The following PPP2R2C variants were observed in gnomAD, a reference collection of about 807,000 sequenced individuals.
PPP2R2C encodes the protein protein phosphatase 2, regulatory subunit B, gamma.
PPP2R2C carries 10 observed loss-of-function variants against 45.3 expected under a neutral mutation model. That is an observed-to-expected ratio of 0.22 (90% CI 0.14 to 0.37). PPP2R2C has a LOEUF of 0.37. PPP2R2C is among the 10% of genes least tolerant of loss of function. The probability of loss-of-function intolerance (pLI) is 1.00; values close to 1 mark genes in which losing one functional copy is unlikely to be tolerated. For synonymous variants in PPP2R2C, 257 were observed against 245.4 expected (o/e 1.05, Z -0.44); for missense variants, 308 against 619.7 (o/e 0.50, Z 5.34).
At chr4:6,341,077 C>T (rs957214476) in intron 6 of PPP2R2C, among the ~76,000 whole-genome samples, 5 of 152,240 alleles carry the variant, frequency 3.3e-5, no homozygotes, top group African/African-American at 1.2e-4. Context: ...GGCGGTGGCT[C>T]ACGCCTGTAA....
At position 6,445,869 on chromosome 4, in the gene PPP2R2C, C is replaced by T. The variant is rs148651049; in HGVS notation, c.70+26291G>A. Among the ~76,000 whole-genome samples, 1,313 of 152,336 alleles carry T rather than the reference C, an allele frequency of 8.6e-3. 13 individuals are homozygous for T. The highest frequency in any genetic ancestry group is 0.029 in the African/African-American group (1,226 of 41,578). ...GAGGGCTGGGGTCCTCAGCCCTCTGCCCACAGTGTCGCAGAACATAACACA... is the reference window on the plus strand; with the variant it reads ...GAGGGCTGGGGTCCTCAGCCCTCTGTCCACAGTGTCGCAGAACATAACACA... On this transcript the variant is annotated intron_variant, in intron 1 of 8. Transcript: ENST00000382599.
At chr4:6,550,359 A>AC (rs1320993547) in intron 1 of PPP2R2C, among the ~76,000 whole-genome samples, 1 of 150,582 alleles carries the variant, frequency 6.6e-6, no homozygotes, top group Non-Finnish European at 1.5e-5. Flanking sequence ...TTGCCAAGAC[A>AC]CCCCCACTAC....
Position 6,448,616 on chromosome 4 carries a change from G to A in PPP2R2C, c.70+23544C>T, listed in dbSNP as rs538409222. Reference sequence around the variant, plus strand: ...TCAGGGCTGTTTCCTCACTCCCACTGCTGCCACACCCTGGAGTCCCCAGGG... The same window carrying A: ...TCAGGGCTGTTTCCTCACTCCCACTACTGCCACACCCTGGAGTCCCCAGGG... On this transcript the variant is annotated intron_variant, in intron 1 of 8. Transcript: ENST00000382599. Among the ~76,000 whole-genome samples the A allele has an allele frequency of 5.3e-5, 8 of 151,922 alleles. 1 individual carries two copies. In the South Asian group the frequency reaches 1.0e-3, roughly 20 times the overall value.
Position 6,538,270 on chromosome 4 carries a change from A to C in PPP2R2C, c.-58-2893T>G, listed in dbSNP as rs1354509816. Among the ~76,000 whole-genome samples, 2 of 152,090 alleles carry C rather than the reference A, an allele frequency of 1.3e-5. 1 individual carries two copies. Among genetic ancestry groups the C allele is most frequent in the Admixed American group, 1.3e-4 (2 of 15,272 alleles). ...GCTGGGGCGTCAGATTTGGGAATCA[A>C]ACCCAGATTCCCCTCTTCCTGGCTC... On this transcript the variant is annotated intron_variant, in intron 1 of 9. Transcript: ENST00000506140.
intron 1 of PPP2R2C, among the ~76,000 whole-genome samples, chr4:6,410,218 G>A (rs897719936): frequency 1.3e-5 from 2 of 152,194 alleles, no homozygotes; most frequent in Non-Finnish European, 2.9e-5. Flanking sequence ...TACCAGGCTC[G>A]AGTCTGCTGG....
At chr4:6,510,971 C>T (rs537425304) in intron 2 of PPP2R2C, among the ~76,000 whole-genome samples, 5 of 120,044 alleles carry the variant, frequency 4.2e-5, no homozygotes, top group African/African-American at 1.7e-4. Flanking sequence ...AGTGAGACTC[C>T]GTCTCAAACA....
In PPP2R2C at chr4:6,416,584, C is replaced by T. The variant is rs544348227; in HGVS notation, c.71-35490G>A. On this transcript the variant is annotated intron_variant, in intron 1 of 8. Transcript: ENST00000382599. Reference sequence around the variant, plus strand: ...CCCCGGGGTGAAGCAGAAGCCCTGGCTGCACCCAGCAGCCTGCAGGCTCCT... The same window carrying T: ...CCCCGGGGTGAAGCAGAAGCCCTGGTTGCACCCAGCAGCCTGCAGGCTCCT... Among the ~76,000 whole-genome samples the T allele has an allele frequency of 3.9e-5, 6 of 152,338 alleles. No homozygotes were observed. In the East Asian group the frequency reaches 1.2e-3, roughly 29 times the overall value.
intron 1 of PPP2R2C, among the ~76,000 whole-genome samples, chr4:6,422,817 T>C (rs747749931): frequency 6.6e-6 from 1 of 152,208 alleles, no homozygotes; most frequent in Non-Finnish European, 1.5e-5. Flanking sequence ...GACTTCAACA[T>C]GTGAGTTTTG....
At chr4:6,497,610 T>G (rs1304408429) in intron 2 of PPP2R2C, among the ~76,000 whole-genome samples, 2 of 152,230 alleles carry the variant, frequency 1.3e-5, no homozygotes, top group Non-Finnish European at 2.9e-5. Flanking sequence ...AACCCTGGGC[T>G]AGGATAAGAC....
intron 1 of PPP2R2C, among the ~76,000 whole-genome samples, chr4:6,541,931 C>A (rs1724813839): frequency 6.6e-6 from 1 of 152,238 alleles, no homozygotes; most frequent in South Asian, 2.1e-4. Flanking sequence ...TCCCTCGCTG[C>A]ATAGGTTCCG....
chr4:6,518,786 A>C (rs1258639243), intron 2 of PPP2R2C, among the ~76,000 whole-genome samples: 3 of 151,956 alleles, frequency 2.0e-5, no homozygotes, highest in Non-Finnish European at 2.9e-5. Context: ...ACCCAGGCAT[A>C]GTGGCACACG....
intron 1 of PPP2R2C, among the ~76,000 whole-genome samples, chr4:6,456,180 A>G (rs1189793315): frequency 1.3e-5 from 2 of 152,246 alleles, no homozygotes; most frequent in Non-Finnish European, 2.9e-5. Context: ...TGATCTGGGA[A>G]AATGTTGACA....
chr4:6,381,699 T>A, intron 1 of PPP2R2C: 1 of 1,547,922 alleles, frequency 6.5e-7, no homozygotes, highest in African/African-American at 1.4e-5. Flanking sequence ...CTGCCTGCCC[T>A]GACCCTCCCT....
intron 1 of PPP2R2C, among the ~76,000 whole-genome samples, chr4:6,397,956 C>T (rs1406922809): frequency 1.3e-5 from 2 of 152,180 alleles, no homozygotes; most frequent in African/African-American, 4.8e-5. Flanking sequence ...ACATGTGGAT[C>T]AATACAACTA....
At chr4:6,495,598 T>G (rs1478750762) in intron 2 of PPP2R2C, among the ~76,000 whole-genome samples, 1 of 152,148 alleles carries the variant, frequency 6.6e-6, no homozygotes. Context: ...AAAGCAACAT[T>G]GCACGAGGGT....
At chr4:6,527,756 G>A (rs746809762) in intron 2 of PPP2R2C, among the ~76,000 whole-genome samples, 7 of 152,074 alleles carry the variant, frequency 4.6e-5, no homozygotes, top group Non-Finnish European at 7.4e-5. Flanking sequence ...AGAGATGTTG[G>A]CCCCCTTCCC....
In PPP2R2C at chr4:6,328,422, TCA is replaced by T. The variant is rs1216987804; in HGVS notation, c.1052+838_1052+839del. On this transcript the variant is annotated intron_variant, in intron 8 of 8. Transcript: ENST00000382599. This position sits in a 1 kb window ranked among gnomAD's most constrained non-coding sequence, Gnocchi z 4.4. Reference sequence around the variant, plus strand: ...ACCTCTCAGCTTCTGAGATCGAAACTCACAGATGGAGAGTAGGCTTGTCCATT... The same window carrying T: ...ACCTCTCAGCTTCTGAGATCGAAACTCAGATGGAGAGTAGGCTTGTCCATT... Among the ~76,000 whole-genome samples the T allele has an allele frequency of 6.6e-6, 1 of 152,120 alleles. No homozygotes were observed. The highest frequency in any genetic ancestry group is 1.5e-5 in the Non-Finnish European group (1 of 68,012).
At chr4:6,561,425 G>T (rs1260517711) in intron 1 of PPP2R2C, among the ~76,000 whole-genome samples, 1 of 151,860 alleles carries the variant, frequency 6.6e-6, no homozygotes, top group East Asian at 1.9e-4. Flanking sequence ...TTTTCATTTT[G>T]CACTGAGCCC....
At chr4:6,446,791 T>C (rs781716328) in intron 1 of PPP2R2C, among the ~76,000 whole-genome samples, 4 of 151,798 alleles carry the variant, frequency 2.6e-5, no homozygotes, top group African/African-American at 4.8e-5. Flanking sequence ...GGCGCTGCTG[T>C]TACCATTCAG....
Sources: gnomAD v4.1 joint callset for allele counts (sites outside exome capture counted in the v4.1 genomes callset) on GRCh38, gnomAD v4.1.1 for gene constraint, Gnocchi (gnomAD v3.1) non-coding constraint, MANE v1.5 for transcripts, NCBI Gene and HGNC (gene_info 2026-07-23, HGNC 2026-07-21) for gene names.